PLCH1: variants seen among roughly 807,000 people sequenced by gnomAD.
PLCH1 encodes 1-phosphatidylinositol 4,5-bisphosphate phosphodiesterase eta-1.
In PLCH1, 60 loss-of-function variants were observed where a neutral mutation model predicts 126.7. The observed-to-expected ratio is 0.47, with a 90% CI of 0.38 to 0.59. PLCH1 has a LOEUF of 0.59. PLCH1 is among the 20% of genes least tolerant of loss of function. The pLI is 0.00. For missense variants in PLCH1, 1,723 were observed against 2,040.0 expected (o/e 0.84, Z 2.99); for synonymous variants, 719 against 734.9 (o/e 0.98, Z 0.35).
intron 2 of PLCH1, among the ~76,000 whole-genome samples, chr3:155,675,354 C>A (rs1743985671): frequency 6.6e-6 from 1 of 152,286 alleles, no homozygotes; most frequent in East Asian, 1.9e-4. Flanking sequence ...AATTCAAGAA[C>A]AATCTCCATA....
intron 2 of PLCH1, among the ~76,000 whole-genome samples, chr3:155,668,403 T>C (rs906764759): frequency 1.3e-5 from 2 of 152,220 alleles, no homozygotes; most frequent in African/African-American, 4.8e-5. Context: ...CAAAGCCAGA[T>C]ACAATCAACC....
chr3:155,586,094 G>A lies in PLCH1; in HGVS notation c.571C>T (p.Pro191Ser). 3 of 1,613,870 alleles carry A rather than the reference G, an allele frequency of 1.9e-6. No homozygotes were observed. The South Asian group carries it at 3.3e-5, about 18-fold the overall frequency. The change falls in exon 5 of 23, where the codon CCC becomes TCC. Residue 191 changes from proline to serine, a missense_variant. Pro to Ser is a moderately conservative substitution (Grantham distance 74). Transcript: ENST00000460012. ...AACATTTGTCTGACTTTTCTTCGGGGCAGATTAACATTCAGTTTATGCATC... is the reference window on the plus strand; with the variant it reads ...AACATTTGTCTGACTTTTCTTCGGGACAGATTAACATTCAGTTTATGCATC... ...QLMHKLNVNLPRRKVRQMFQE... is the reference protein window; with the variant it reads ...QLMHKLNVNLSRRKVRQMFQE...
chr3:155,691,244 T>C (rs953254242), intron 2 of PLCH1, among the ~76,000 whole-genome samples: 3 of 152,180 alleles, frequency 2.0e-5, no homozygotes, highest in African/African-American at 4.8e-5. Flanking sequence ...ATCTGTAAAA[T>C]AGTCTTGTTG....
intron 14 of PLCH1, among the ~76,000 whole-genome samples, chr3:155,498,900 C>T (rs1198320401): frequency 1.3e-5 from 2 of 152,142 alleles, no homozygotes; most frequent in African/African-American, 4.8e-5. Flanking sequence ...ACATTCCCCT[C>T]ACACACACAC....
intron 10 of PLCH1, among the ~76,000 whole-genome samples, chr3:155,531,846 A>G (rs978672048): frequency 5.3e-5 from 8 of 152,204 alleles, no homozygotes; most frequent in Admixed American, 3.3e-4. Context: ...CCTTCACAAA[A>G]TTTAAGAGAG....
chr3:155,514,089 T>A (rs1307170987), intron 12 of PLCH1, among the ~76,000 whole-genome samples: 1 of 152,154 alleles, frequency 6.6e-6, no homozygotes, highest in East Asian at 1.9e-4. Context: ...AGAGCTACAA[T>A]GACACCACTG....
chr3:155,496,078 A>C (rs1489123562), intron 15 of PLCH1, among the ~76,000 whole-genome samples: 1 of 152,208 alleles, frequency 6.6e-6, no homozygotes, highest in Non-Finnish European at 1.5e-5. Flanking sequence ...AATTAGGCAC[A>C]TATCAATTAG....
chr3:155,493,864 C>T (rs1451980257), intron 17 of PLCH1, among the ~76,000 whole-genome samples: 4 of 152,172 alleles, frequency 2.6e-5, no homozygotes, highest in African/African-American at 9.7e-5. Flanking sequence ...ATATGGGGCA[C>T]TGGATTTCAA....
At chr3:155,526,341 G>A (rs186747225) in intron 10 of PLCH1, among the ~76,000 whole-genome samples, 3 of 151,926 alleles carry the variant, frequency 2.0e-5, no homozygotes, top group Non-Finnish European at 2.9e-5. Context: ...TTGCTTGCTT[G>A]CTTCTCCAAA....
chr3:155,684,986 G>T (rs1049323606), intron 2 of PLCH1, among the ~76,000 whole-genome samples: 2 of 152,290 alleles, frequency 1.3e-5, no homozygotes, highest in Admixed American at 1.3e-4. Context: ...CAGAAACAAG[G>T]AGGAACATAA....
At chr3:155,725,000 G>A (rs202047347) in intron 1 of PLCH1, among the ~76,000 whole-genome samples, 2 of 152,006 alleles carry the variant, frequency 1.3e-5, no homozygotes, top group East Asian at 3.9e-4. Flanking sequence ...GCATTTGTTT[G>A]TCTGAAAAAG....
At chr3:155,520,152 C>T (rs542408416) in intron 11 of PLCH1, among the ~76,000 whole-genome samples, 4 of 152,330 alleles carry the variant, frequency 2.6e-5, no homozygotes, top group East Asian at 1.9e-4. Flanking sequence ...GATGTACTAG[C>T]ATGCCCAGCA....
At chr3:155,725,752 T>C (rs1748274203) in intron 1 of PLCH1, among the ~76,000 whole-genome samples, 1 of 152,200 alleles carries the variant, frequency 6.6e-6, no homozygotes, top group African/African-American at 2.4e-5. Context: ...GACATTTCTG[T>C]TATAAGTAGC....
Position 155,452,009 on chromosome 3 carries a change from G to GTC in PLCH1, c.2938+33345_2938+33346dup, listed in dbSNP as rs567434954. Among the ~76,000 whole-genome samples the GTC allele has an allele frequency of 9.1e-4, 138 of 151,998 alleles. 1 individual carries two copies. The highest frequency in any genetic ancestry group is 2.6e-3 in the African/African-American group (106 of 41,462). On this transcript the variant is annotated intron_variant, in intron 21 of 21. Coordinates refer to the PLCH1 transcript ENST00000494598. Reference sequence around the variant, plus strand: ...AATCTCTCTCAATCCCTCTCTCTCTGTCTCTCTCTCACACACACATACATT... The same window carrying GTC: ...AATCTCTCTCAATCCCTCTCTCTCTGTCTCTCTCTCTCACACACACATACATT...
In PLCH1 at chr3:155,504,626, T is replaced by C. The variant is rs758114247; in HGVS notation, c.1633A>G (p.Ser545Gly). 5.7e-6 allele frequency: 9 copies of C among 1,588,662 alleles called. No homozygotes were observed. Among genetic ancestry groups the C allele is most frequent in the Middle Eastern group, 1.7e-4 (1 of 5,972 alleles). ...HEGLNAHLKQ[S>G]PDVKESGKKS... ...TTTCCACTTTCCTTTACATCTGGAC[T>C]CTGAATAAATAAAGGCATAATATAA... Residue 545 changes from serine (S) to glycine (G), a missense_variant and splice_region_variant, in exon 13 of 23, where the codon AGT becomes GGT. Around this residue, in one of 2 missense-constraint regions of PLCH1, gnomAD observed 776 missense variants for 1,062.9 expected, o/e 0.73. Coordinates refer to ENST00000460012, the MANE Select transcript of PLCH1 (RefSeq NM_014996.4).
chr3:155,574,106 G>T (rs1729616516), intron 6 of PLCH1, among the ~76,000 whole-genome samples: 1 of 152,036 alleles, frequency 6.6e-6, no homozygotes, highest in African/African-American at 2.4e-5. Context: ...GTGGAGACGG[G>T]GTTTCACCAT....
At chr3:155,734,112 C>T (rs1748980457) in intron 1 of PLCH1, among the ~76,000 whole-genome samples, 1 of 151,654 alleles carries the variant, frequency 6.6e-6, no homozygotes, top group Non-Finnish European at 1.5e-5. Context: ...AAAGGAAATC[C>T]TTGTGCACTG....
In PLCH1 at chr3:155,597,844, C is replaced by T. The variant is rs148226208; in HGVS notation, c.80-1466G>A. Among the ~76,000 whole-genome samples, 470 of 152,150 alleles carry T rather than the reference C, an allele frequency of 3.1e-3. 2 individuals are homozygous for T. Among genetic ancestry groups the T allele is most frequent in the South Asian group, 0.02 (94 of 4,812 alleles). ...TACAAAGAAGATGAAGTATAGGTTG[C>T]GTTTACTCATTTTATCTGACATATC... On this transcript the variant is annotated intron_variant, in intron 2 of 22. Coordinates refer to ENST00000460012, the MANE Select transcript of PLCH1 (RefSeq NM_014996.4).
chr3:155,468,961 G>A (rs1713041041), intron 21 of PLCH1, among the ~76,000 whole-genome samples: 1 of 152,178 alleles, frequency 6.6e-6, no homozygotes, highest in African/African-American at 2.4e-5. Context: ...AAGAGCTGCA[G>A]AATCCACATT....
Sources: gnomAD v4.1 joint callset for allele counts (sites outside exome capture counted in the v4.1 genomes callset) on GRCh38, gnomAD v4.1.1 for gene constraint, gnomAD v4.1.1 regional missense constraint, MANE v1.5 for transcripts, NCBI Gene and HGNC (gene_info 2026-07-23, HGNC 2026-07-21) for gene names.